The following MX2 variants were observed in gnomAD, a reference collection of about 807,000 sequenced individuals.
MX2 encodes the protein interferon-induced GTP-binding protein Mx2.
In MX2, 51 loss-of-function variants were observed where a neutral mutation model predicts 74.0. That is an observed-to-expected ratio of 0.69 (90% CI 0.55 to 0.87). The LOEUF (loss-of-function observed/expected upper bound fraction) is 0.87. Ranked by LOEUF, MX2 falls within the 40% of genes least tolerant of loss-of-function variation. MX2 has a pLI of 0.00. For synonymous variants in MX2, 369 were observed against 339.3 expected (o/e 1.09, Z -0.96); for missense variants, 832 against 908.7 (o/e 0.92, Z 1.09).
Position 41,406,980 on chromosome 21 carries a change from C to T in MX2, c.1887C>T (p.His629=). ...CCTCCTTTACTGAAATAGGCATCCACCTGAATGCCTACTTCTTGGTGAGTT... is the reference window on the plus strand; with the variant it reads ...CCTCCTTTACTGAAATAGGCATCCATCTGAATGCCTACTTCTTGGTGAGTT... ...SVSSFTEIGI[H]LNAYFLETSK... is the part of the protein sequence containing the mutation. Residue 629 remains histidine (H), a synonymous_variant, in exon 13 of 14, where the codon CAC becomes CAT. Coordinates refer to ENST00000330714, the MANE Select transcript of MX2 (RefSeq NM_002463.2). The T allele has an allele frequency of 6.2e-7, 1 of 1,612,362 alleles. No individual in the cohort carries two copies.
At chr21:41,378,253 G>GCTGGGAGGGACAGATCA (rs538276597) in intron 3 of MX2, among the ~76,000 whole-genome samples, 381 of 150,136 alleles carry the variant, frequency 2.5e-3, no homozygotes, top group Middle Eastern at 7.3e-3. Context: ...GAGACAGGCT[G>GCTGGGAGGGACAGATCA]CTGGGAGGGA....
chr21:41,379,924 C>T lies in MX2; in HGVS notation c.443-93C>T, dbSNP rs563825936. On this transcript the variant is annotated intron_variant, in intron 3 of 13. Transcript: ENST00000330714. Reference sequence around the variant, plus strand: ...GAGAGCCAGAAAGTGCAGACGAGGCCTTTGGGGACAGCAGGGCAGGTTCTG... The same window carrying T: ...GAGAGCCAGAAAGTGCAGACGAGGCTTTTGGGGACAGCAGGGCAGGTTCTG... The T allele has an allele frequency of 2.0e-5, 31 of 1,533,854 alleles. No homozygotes were observed. In the African/African-American group the frequency reaches 4.0e-4, roughly 20 times the overall value.
chr21:41,394,883 G>C (rs11909419), intron 6 of MX2, among the ~76,000 whole-genome samples: 8,953 of 151,512 alleles, frequency 0.059, 813 homozygotes, highest in African/African-American at 0.19. Flanking sequence ...GGAGGTTGAA[G>C]TGAGCCACTG....
intron 4 of MX2, 25 bp from the exon 5 acceptor site, chr21:41,382,385 G>C: frequency 2.5e-6 from 4 of 1,609,518 alleles, no homozygotes; most frequent in Non-Finnish European, 3.4e-6. Flanking sequence ...AGGGCTCTGG[G>C]TTTCTCCCCT....
rs577422561 is a variant in MX2 at position 41,390,757 on chromosome 21, G to A, written c.871+54G>A. ...GCGGTGGCTCAAGCCTGTAATCCCA[G>A]CACTTTGGGAGGCCAAGACGGGCGG... On this transcript the variant is annotated intron_variant, in intron 6 of 13. Transcript: ENST00000330714. 6 of 1,595,586 alleles carry A rather than the reference G, an allele frequency of 3.8e-6. No homozygotes were observed. The East Asian group carries it at 9.0e-5, about 24-fold the overall frequency.
Position 41,376,677 on chromosome 21 carries a change from C to G in MX2, c.-71-159C>G, listed in dbSNP as rs143141194. Among the ~76,000 whole-genome samples the G allele has an allele frequency of 3.7e-3, 564 of 152,290 alleles. 1 individual carries two copies. The highest frequency in any genetic ancestry group is 0.013 in the African/African-American group (542 of 41,554). On this transcript the variant is annotated intron_variant, in intron 1 of 13. Transcript: ENST00000330714. ...ACTTGTGCTCTGTGGCTGCCAAGAG[C>G]CCCTCCTGCAGACAGGGGCCCTGCA...
In MX2 at chr21:41,372,888, T is replaced by C. The variant is rs1055285745; in HGVS notation, c.-71-3948T>C. 37 of 152,256 alleles carry C rather than the reference T, an allele frequency of 2.4e-4. 1 individual carries two copies. The highest frequency in any genetic ancestry group is 8.7e-4 in the African/African-American group (36 of 41,468). 9.4% of individuals were successfully genotyped at this position (152,256 alleles called of 1,614,324 possible). On this transcript the variant is annotated intron_variant, in intron 1 of 13. Coordinates refer to ENST00000330714, the MANE Select transcript of MX2 (RefSeq NM_002463.2). ...TTTTGATGGGTGCATGGCAGTTTCC[T>C]ACGCAGGAAATGCTTTCGCCATTTT...
At chr21:41,390,375 G>A (rs2089640655) in intron 5 of MX2, 190 bp from the exon 6 acceptor site, 1 of 669,278 alleles carries the variant, frequency 1.5e-6, no homozygotes, top group South Asian at 1.7e-5. Flanking sequence ...GGACAAGTGG[G>A]AGGTCATCAG....
At chr21:41,390,073 C>T (rs1452679235) in intron 5 of MX2, 1 of 154,480 alleles carries the variant, frequency 6.5e-6, no homozygotes, top group East Asian at 1.9e-4. Flanking sequence ...CATCTGAGGT[C>T]CCTGCCTCTG....
Position 41,409,341 on chromosome 21 carries a change from A to G in MX2, c.*1108A>G, listed in dbSNP as rs551682993. Reference sequence around the variant, plus strand: ...TCTTTTCTTCTTCATGTTTTCCTGTATGTTTCAAATGATGAACATATAGAT... The same window carrying G: ...TCTTTTCTTCTTCATGTTTTCCTGTGTGTTTCAAATGATGAACATATAGAT... On this transcript the variant is annotated 3_prime_UTR_variant, in exon 14 of 14. Coordinates refer to ENST00000330714, the MANE Select transcript of MX2 (RefSeq NM_002463.2). The G allele has an allele frequency of 6.6e-6, 1 of 152,326 alleles. No homozygotes were observed. The highest frequency in any genetic ancestry group is 1.9e-4 in the East Asian group (1 of 5,182). 9.4% of individuals were successfully genotyped at this position (152,326 alleles called of 1,614,324 possible).
In MX2 at chr21:41,384,708, G is replaced by A. The variant is rs115132463; in HGVS notation, c.732+2144G>A. 7.7e-3 allele frequency among the ~76,000 whole-genome samples: 1,174 copies of A among 152,106 alleles called. 19 individuals are homozygous for A. The highest frequency in any genetic ancestry group is 0.027 in the African/African-American group (1,109 of 41,496). On this transcript the variant is annotated intron_variant, in intron 5 of 13. Transcript: ENST00000330714. ...TACGAAAACACTGCCAAGTGAACAA[G>A]TGTTTTATAAAAATTAATTAGGTTC...
chr21:41,381,423 A>G (rs921766805), intron 4 of MX2, among the ~76,000 whole-genome samples: 9 of 152,140 alleles, frequency 5.9e-5, no homozygotes, highest in African/African-American at 1.2e-4. Context: ...CGGTGGCTCA[A>G]GCCTGTAATC....
rs190621133 is a variant in MX2 at position 41,388,326 on chromosome 21, G to T, written c.733-2239G>T. Among the ~76,000 whole-genome samples the T allele has an allele frequency of 3.3e-4, 50 of 152,168 alleles. No homozygotes were observed. Among genetic ancestry groups the T allele is most frequent in the Non-Finnish European group, 4.7e-4 (32 of 68,038 alleles). ...CCTCGCTCCACCCTACCACATCCGGGTTCTGCGGCCCTTGGTCCCTCTGGC... is the reference window on the plus strand; with the variant it reads ...CCTCGCTCCACCCTACCACATCCGGTTTCTGCGGCCCTTGGTCCCTCTGGC... On this transcript the variant is annotated intron_variant, in intron 5 of 13. Transcript: ENST00000330714. This position sits in a 1 kb window ranked among gnomAD's most constrained non-coding sequence, Gnocchi z 4.0.
At chr21:41,381,684 C>CAAAAAAAAAAAAAAAAAAAAAAAAA (rs57350601) in intron 4 of MX2, among the ~76,000 whole-genome samples, 1 of 58,444 alleles carries the variant, frequency 1.7e-5, no homozygotes, top group African/African-American at 5.7e-5. Flanking sequence ...GACTCTGTCT[C>CAAAAAAAAAAAAAAAAAAAAAAAAA]AAAAAAAAAA....
At chr21:41,379,958 G>A (rs2089465585) in intron 3 of MX2, 59 bp from the exon 4 acceptor site, 2 of 1,595,132 alleles carry the variant, frequency 1.3e-6, no homozygotes, top group Non-Finnish European at 1.7e-6. Context: ...TGGGAGCGAA[G>A]GGCCCAGTGC....
intron 1 of MX2, among the ~76,000 whole-genome samples, chr21:41,376,076 T>C (rs1285314398): frequency 6.6e-6 from 1 of 152,216 alleles, no homozygotes; most frequent in Non-Finnish European, 1.5e-5. Context: ...CAACACCTGC[T>C]TCTCCCACAC....
In MX2 at chr21:41,402,155, A is replaced by C. The variant is rs780510058; in HGVS notation, c.1573+27A>C. ...TGAGGACTTTCAAGCAGGACTCCCA[A>C]ACCATCACTCTCATACCTTCCATAG... On this transcript the variant is annotated intron_variant, in intron 11 of 13. Transcript: ENST00000330714. This position sits in a 1 kb window ranked among gnomAD's most constrained non-coding sequence, Gnocchi z 4.5. The C allele has an allele frequency of 6.2e-7, 1 of 1,605,096 alleles. No individual in the cohort carries two copies. Among genetic ancestry groups the C allele is most frequent in the East Asian group, 2.2e-5 (1 of 44,784 alleles).
intron 13 of MX2, among the ~76,000 whole-genome samples, chr21:41,407,383 C>G (rs761793208): frequency 1.3e-5 from 2 of 152,202 alleles, no homozygotes; most frequent in South Asian, 2.1e-4. Context: ...TCAGAAGGCA[C>G]TAACATGCCA....
At chr21:41,365,267 A>AT (rs1244275852) in intron 1 of MX2, 1 of 152,108 alleles carries the variant, frequency 6.6e-6, no homozygotes, top group African/African-American at 2.4e-5. Context: ...GTCCATGTGC[A>AT]GGTTTGTTAC....
Sources: gnomAD v4.1 joint callset for allele counts (sites outside exome capture counted in the v4.1 genomes callset) on GRCh38, gnomAD v4.1.1 for gene constraint, Gnocchi (gnomAD v3.1) non-coding constraint, MANE v1.5 for transcripts, NCBI Gene and HGNC (gene_info 2026-07-23, HGNC 2026-07-21) for gene names.